Variants in ARHGAP22 observed in about 807,000 individuals in gnomAD.
ARHGAP22 encodes Rho GTPase activating protein 22, also known as rho GTPase-activating protein 22.
ARHGAP22 carries 48 observed loss-of-function variants against 59.1 expected under a neutral mutation model. That is an observed-to-expected ratio of 0.81 (90% confidence interval 0.64 to 1.03). The LOEUF is 1.03. Among genes scored for constraint, ARHGAP22 ranks in the 50% least tolerant of loss-of-function variants. The pLI, the probability that ARHGAP22 is intolerant of heterozygous loss-of-function variation, is 0.00. For missense variants in ARHGAP22, 1,015 were observed against 958.7 expected, an observed-to-expected ratio of 1.06 and a Z score of -0.78; for synonymous variants, 445 against 416.4, an observed-to-expected ratio of 1.07 and a Z score of -0.84.
At chr10:48,522,999 C>G (rs1386155685) in intron 3 of ARHGAP22, among the ~76,000 whole-genome samples, 1 of 152,202 alleles carries the variant, frequency 6.6e-6, no homozygotes, top group Non-Finnish European at 1.5e-5. Flanking sequence ...ACTTCAAACC[C>G]TTTGTGAAAC....
At chr10:48,476,620 G>A (rs899974080) in intron 4 of ARHGAP22, among the ~76,000 whole-genome samples, 3 of 152,224 alleles carry the variant, frequency 2.0e-5, no homozygotes, top group Admixed American at 6.5e-5. Flanking sequence ...ACTCCCGGGA[G>A]AAAGGAGATA....
At chr10:48,509,307 C>A (rs2134504821) in intron 3 of ARHGAP22, among the ~76,000 whole-genome samples, 1 of 152,224 alleles carries the variant, frequency 6.6e-6, no homozygotes, top group African/African-American at 2.4e-5. Context: ...CAGGAGCACC[C>A]AGGACAGGGA....
At chr10:48,490,591 C>T (rs1393861586) in intron 3 of ARHGAP22, among the ~76,000 whole-genome samples, 2 of 152,184 alleles carry the variant, frequency 1.3e-5, no homozygotes, top group African/African-American at 4.8e-5. Flanking sequence ...ATTCTAAGTG[C>T]CGCTTCTATC....
chr10:48,576,414 G>T (rs2058714889), intron 2 of ARHGAP22, among the ~76,000 whole-genome samples: 1 of 152,094 alleles, frequency 6.6e-6, no homozygotes, highest in Non-Finnish European at 1.5e-5. Flanking sequence ...TTCTTTTCTT[G>T]TTTAAATTTT....
In ARHGAP22 at chr10:48,632,376, T is replaced by C. The variant is rs550940168; in HGVS notation, c.52+19858A>G. ...AATCCTATGTTGGTAGGGAGTTTTA[T>C]TGCAGCAGTTTTAATGTACAAACTA... is the stretch of plus-strand genomic sequence containing the variant. On this transcript the variant is annotated intron_variant, in intron 1 of 9. Coordinates refer to the ARHGAP22 transcript ENST00000435790. 1.1e-4 allele frequency among the ~76,000 whole-genome samples: 17 copies of C among 152,380 alleles called. No individual in the cohort carries two copies. The Middle Eastern group carries it at 0.014, about 122-fold the overall frequency.
At chr10:48,528,445 G>C (rs1449566741) in intron 3 of ARHGAP22, among the ~76,000 whole-genome samples, 1 of 152,198 alleles carries the variant, frequency 6.6e-6, no homozygotes, top group Non-Finnish European at 1.5e-5. Flanking sequence ...GGCCCAATGT[G>C]GGGCGGGGGA....
chr10:48,637,314 G>T (rs1373895265), intron 1 of ARHGAP22, among the ~76,000 whole-genome samples: 2 of 152,248 alleles, frequency 1.3e-5, no homozygotes, highest in Admixed American at 1.3e-4. Flanking sequence ...GTTGTCCAGA[G>T]ATGGCCGACA....
intron 3 of ARHGAP22, among the ~76,000 whole-genome samples, chr10:48,526,844 A>T (rs1024873105): frequency 6.6e-6 from 1 of 152,138 alleles, no homozygotes; most frequent in East Asian, 1.9e-4. Flanking sequence ...TTAAATATCA[A>T]CTCCCAAGGC....
intron 1 of ARHGAP22, among the ~76,000 whole-genome samples, chr10:48,641,623 C>T (rs905045762): frequency 6.6e-6 from 1 of 152,114 alleles, no homozygotes; most frequent in Admixed American, 6.5e-5. Flanking sequence ...TTATGACAAA[C>T]CCACAGCCAA....
chr10:48,624,540 G>A (rs1366980043), intron 1 of ARHGAP22: 1 of 152,154 alleles, frequency 6.6e-6, no homozygotes, highest in East Asian at 1.9e-4. Flanking sequence ...CCAATGTTTT[G>A]GGCCCCATTT....
At chr10:48,509,807 G>A (rs547716547) in intron 3 of ARHGAP22, among the ~76,000 whole-genome samples, 5 of 152,296 alleles carry the variant, frequency 3.3e-5, no homozygotes, top group South Asian at 2.1e-4. Context: ...CTCTGAAGAC[G>A]CCCGACGAGT....
chr10:48,583,625 G>A (rs902248886), intron 1 of ARHGAP22, among the ~76,000 whole-genome samples: 1 of 152,208 alleles, frequency 6.6e-6, no homozygotes, highest in African/African-American at 2.4e-5. Flanking sequence ...ATAAAAAACA[G>A]ATAAACATCT....
At chr10:48,621,638 G>A (rs1163239197) in intron 1 of ARHGAP22, among the ~76,000 whole-genome samples, 2 of 152,194 alleles carry the variant, frequency 1.3e-5, no homozygotes, top group Non-Finnish European at 2.9e-5. Flanking sequence ...GCATGTTGGG[G>A]CATGGAGTGG....
At chr10:48,459,951 GGACAA>G in intron 4 of ARHGAP22, 60 bp from the exon 5 acceptor site, 1 of 1,516,036 alleles carries the variant, frequency 6.6e-7, no homozygotes, top group Non-Finnish European at 9.0e-7. Flanking sequence ...TGGGTGCTCA[GGACAA>G]TGGAGGGCAG....
At position 48,582,745 on chromosome 10, in the gene ARHGAP22, T is replaced by G. The variant is rs1425206341; in HGVS notation, c.234+208A>C. 5.0e-6 allele frequency: 3 copies of G among 600,702 alleles called. No individual in the cohort carries two copies. In the East Asian group the frequency reaches 8.5e-5, roughly 17 times the overall value. The allele number at this position is 600,702 out of a possible 1,614,324, so 37.2% of individuals were successfully genotyped here. ...CAACATTTTAAGGAAACATTTTCAT[T>G]GCAGAAGTTGTGGACATGTTCCAGT... On this transcript the variant is annotated intron_variant, in intron 2 of 9. Transcript: ENST00000249601.
intron 2 of ARHGAP22, among the ~76,000 whole-genome samples, chr10:48,569,806 T>C (rs980744642): frequency 6.6e-6 from 1 of 152,182 alleles, no homozygotes; most frequent in Admixed American, 6.5e-5. Flanking sequence ...TGCAAAACAA[T>C]TCGGGGGCAA....
At chr10:48,456,078 G>A (rs1022822108) in intron 5 of ARHGAP22, among the ~76,000 whole-genome samples, 1 of 152,126 alleles carries the variant, frequency 6.6e-6, no homozygotes, top group African/African-American at 2.4e-5. Flanking sequence ...GGTCCTAAAC[G>A]AGAGCCTTGG....
the ARHGAP22 span, chr10:48,438,409 A>G: frequency 6.6e-6 from 1 of 152,256 alleles, no homozygotes; most frequent in Non-Finnish European, 1.5e-5. Flanking sequence ...TTGGGGTACG[A>G]TTAGAAAACT....
intron 2 of ARHGAP22, among the ~76,000 whole-genome samples, chr10:48,559,501 T>C (rs1838579): frequency 0.27 from 40,466 of 152,072 alleles, 6,044 homozygotes; most frequent in African/African-American, 0.4. Context: ...GCTCAGTATT[T>C]GCAAGTTTTA....
Sources: allele counts gnomAD v4.1 joint callset (sites outside exome capture counted in the v4.1 genomes callset), GRCh38; gene constraint gnomAD v4.1.1; transcripts MANE v1.5; gene names NCBI Gene and HGNC (gene_info 2026-07-23, HGNC 2026-07-21).